C9orf153: variants seen among roughly 807,000 people sequenced by gnomAD.
The protein encoded by C9orf153 is uncharacterized protein C9orf153.
In C9orf153, 10 loss-of-function variants were observed where a neutral mutation model predicts 9.0. The ratio of observed to expected loss-of-function variants is 1.11; its 90% confidence interval spans 0.69 to 1.89. The LOEUF is 1.89. Among genes scored for constraint, C9orf153 ranks in the 40% most tolerant of loss-of-function variants. The pLI, the probability that C9orf153 is intolerant of heterozygous loss-of-function variation, is 0.00. For missense variants in C9orf153, 108 were observed against 111.0 expected (o/e 0.97, Z 0.12); for synonymous variants, 35 against 37.3 (o/e 0.94, Z 0.23).
chr9:86,220,620 T>G lies in C9orf153; in HGVS notation c.*1068A>C, dbSNP rs1824176363. 6.6e-6 allele frequency: 1 copy of G among 152,166 alleles called. No individual in the cohort carries two copies. The highest frequency in any genetic ancestry group is 1.5e-5 in the Non-Finnish European group (1 of 68,018). The allele number at this position is 152,166 out of a possible 1,614,324, so 9.4% of individuals were successfully genotyped here. On this transcript the variant is annotated 3_prime_UTR_variant, in exon 4 of 4. Coordinates refer to ENST00000339137, the MANE Select transcript of C9orf153 (RefSeq NM_001276366.4). ...ATGTAATCCATCTCTCTTTCGTAGA[T>G]TATATTTTCCTTTACTGCTTAGTGG...
chr9:86,221,085 C>T lies in C9orf153; in HGVS notation c.*603G>A, dbSNP rs1375042387. The T allele has an allele frequency of 6.6e-6, 1 of 152,128 alleles. No homozygotes were observed. The highest frequency in any genetic ancestry group is 1.5e-5 in the Non-Finnish European group (1 of 68,036). 9.4% of individuals were successfully genotyped at this position (152,128 alleles called of 1,614,324 possible). A position where few individuals can be genotyped will look rare whatever the true frequency, so the allele number is the denominator to read the frequency against. ...TGCTGTTTCCTTCTTTGTCACTGGA[C>T]AGTTAATAGATTATATTTAAGTTCT... On this transcript the variant is annotated 3_prime_UTR_variant, in exon 4 of 4. Coordinates refer to ENST00000339137, the MANE Select transcript of C9orf153 (RefSeq NM_001276366.4).
chr9:86,249,693 T>G (rs1399899351), intron 1 of C9orf153, among the ~76,000 whole-genome samples: 1 of 152,086 alleles, frequency 6.6e-6, no homozygotes, highest in Admixed American at 6.6e-5. Flanking sequence ...GGATTACAAG[T>G]GTGCACCACC....
intron 2 of C9orf153, chr9:86,228,758 T>A (rs985573021): frequency 1.9e-5 from 3 of 153,952 alleles, no homozygotes; most frequent in African/African-American, 7.2e-5. Flanking sequence ...TTTAGCCCAA[T>A]GCAGAGTTTT....
chr9:86,236,450 G>C (rs1824590185), intron 1 of C9orf153, among the ~76,000 whole-genome samples: 1 of 151,298 alleles, frequency 6.6e-6, no homozygotes, highest in Non-Finnish European at 1.5e-5. Flanking sequence ...GCAGGTGGCT[G>C]AGGCAGGAGA....
intron 1 of C9orf153, among the ~76,000 whole-genome samples, chr9:86,254,360 A>G (rs2131209033): frequency 6.6e-6 from 1 of 152,334 alleles, no homozygotes; most frequent in East Asian, 1.9e-4. Flanking sequence ...ACTTGGAATT[A>G]TTAGAAATTA....
intron 1 of C9orf153, among the ~76,000 whole-genome samples, chr9:86,243,058 T>C (rs1018551780): frequency 4.6e-5 from 7 of 152,228 alleles, no homozygotes; most frequent in Non-Finnish European, 8.8e-5. Flanking sequence ...TTTTGAATGT[T>C]TTCCACTATT....
At chr9:86,239,707 C>A (rs1345423206) in intron 1 of C9orf153, among the ~76,000 whole-genome samples, 1 of 152,186 alleles carries the variant, frequency 6.6e-6, no homozygotes, top group African/African-American at 2.4e-5. Context: ...GTTGGTTGAA[C>A]AACTCTGTGA....
chr9:86,220,723 C>G lies in C9orf153; in HGVS notation c.*965G>C, dbSNP rs1426132044. 1 of 152,108 alleles carries G rather than the reference C, an allele frequency of 6.6e-6. No homozygotes were observed. Among genetic ancestry groups the G allele is most frequent in the African/African-American group, 2.4e-5 (1 of 41,418 alleles). 9.4% of individuals were successfully genotyped at this position (152,108 alleles called of 1,614,324 possible). A position where few individuals can be genotyped will look rare whatever the true frequency, so the allele number is the denominator to read the frequency against. On this transcript the variant is annotated 3_prime_UTR_variant, in exon 4 of 4. Transcript: ENST00000339137. ...CTAATCAGTCTGAGATTTTTCAGTT[C>G]AAGGTCTCATGTGTTTCTTGAGATT...
chr9:86,222,872 TGTA>T (rs1294810278), intron 3 of C9orf153, among the ~76,000 whole-genome samples: 2 of 152,150 alleles, frequency 1.3e-5, no homozygotes, highest in African/African-American at 4.8e-5. Flanking sequence ...GCATGTCACC[TGTA>T]GTCCAAAGAC....
intron 1 of C9orf153, among the ~76,000 whole-genome samples, chr9:86,239,455 G>A (rs1029681485): frequency 1.3e-5 from 2 of 152,292 alleles, no homozygotes; most frequent in African/African-American, 4.8e-5. Context: ...AATGGATGAA[G>A]GCAGCTGTCT....
chr9:86,251,063 G>T (rs1300165524), intron 1 of C9orf153, among the ~76,000 whole-genome samples: 1 of 152,118 alleles, frequency 6.6e-6, no homozygotes, highest in African/African-American at 2.4e-5. Context: ...CTGGCCAAAT[G>T]TTTAACAATA....
At position 86,229,575 on chromosome 9, in the gene C9orf153, G is replaced by C; in HGVS notation, c.29C>G (p.Ala10Gly). MFLTGDTSP[A>G]EDNREATLPQ... ...AAGGGTGGCTTCTCTATTGTCCTCAGCTGGACTGGTGTCTCCAGTGAGGAA... is the reference window on the plus strand; with the variant it reads ...AAGGGTGGCTTCTCTATTGTCCTCACCTGGACTGGTGTCTCCAGTGAGGAA... Residue 10 changes from alanine to glycine, a missense_variant, in exon 2 of 4, where the codon GCT becomes GGT. Ala to Gly is a moderately conservative substitution (Grantham distance 60). Transcript: ENST00000339137. 5 of 1,612,872 alleles carry C rather than the reference G, an allele frequency of 3.1e-6. No homozygotes were observed. Among genetic ancestry groups the C allele is most frequent in the Non-Finnish European group, 4.2e-6 (5 of 1,178,972 alleles).
intron 1 of C9orf153, among the ~76,000 whole-genome samples, chr9:86,259,029 G>GT (rs1215432948): frequency 1.0e-4 from 12 of 119,320 alleles, no homozygotes; most frequent in Non-Finnish European, 1.6e-4. Context: ...ATACAGAGCA[G>GT]TGTTTTTTTT....
At chr9:86,222,591 T>A (rs1370461448) in intron 3 of C9orf153, among the ~76,000 whole-genome samples, 1 of 152,022 alleles carries the variant, frequency 6.6e-6, no homozygotes, top group African/African-American at 2.4e-5. Flanking sequence ...AAGTAGCCAA[T>A]GAGCCAAGGA....
At chr9:86,255,469 T>C (rs1047879156) in intron 1 of C9orf153, among the ~76,000 whole-genome samples, 2 of 152,200 alleles carry the variant, frequency 1.3e-5, no homozygotes, top group Non-Finnish European at 2.9e-5. Context: ...AACTGAGAGT[T>C]TGACACCTTT....
At chr9:86,247,419 C>T (rs774217573) in intron 1 of C9orf153, among the ~76,000 whole-genome samples, 5 of 152,156 alleles carry the variant, frequency 3.3e-5, no homozygotes, top group Admixed American at 2.6e-4. Context: ...TGGTGGCTCA[C>T]ATCTGTAATC....
chr9:86,221,957 C>T (rs1170082015), intron 3 of C9orf153, among the ~76,000 whole-genome samples: 2 of 152,228 alleles, frequency 1.3e-5, no homozygotes, highest in East Asian at 3.9e-4. Context: ...GCGATATCGG[C>T]TCATCACAAC....
intron 1 of C9orf153, among the ~76,000 whole-genome samples, chr9:86,255,410 T>G (rs1270258167): frequency 6.6e-6 from 1 of 152,188 alleles, no homozygotes; most frequent in East Asian, 1.9e-4. Flanking sequence ...TCTGCCTTGA[T>G]GCAGCCTGGC....
chr9:86,247,657 A>C (rs1824899915), intron 1 of C9orf153, among the ~76,000 whole-genome samples: 1 of 152,146 alleles, frequency 6.6e-6, no homozygotes, highest in Non-Finnish European at 1.5e-5. Flanking sequence ...ACCAGCCTGG[A>C]CAACAGAGTG....
Sources: allele counts gnomAD v4.1 joint callset (sites outside exome capture counted in the v4.1 genomes callset), GRCh38; gene constraint gnomAD v4.1.1; transcripts MANE v1.5; gene names NCBI Gene and HGNC (gene_info 2026-07-23, HGNC 2026-07-21).